Variants in SCAF4 observed in about 807,000 individuals in gnomAD.
SCAF4 encodes SR-related and CTD-associated factor 4.
A neutral mutation model predicts 129.8 loss-of-function variants in SCAF4; 25 were observed. The observed-to-expected ratio is 0.19, with a 90% CI of 0.14 to 0.27. The LOEUF is 0.27. SCAF4 is among the 10% of genes least tolerant of loss of function. The pLI is 1.00. For synonymous variants in SCAF4, 551 were observed against 497.7 expected (o/e 1.11, Z -1.43); for missense variants, 1,246 against 1,457.1 (o/e 0.86, Z 2.36).
At chr21:31,690,975 TATAAAA>T (rs1568835951) in intron 14 of SCAF4, 22 bp from the exon 15 acceptor site, 1 of 1,588,844 alleles carries the variant, frequency 6.3e-7, no homozygotes, top group Non-Finnish European at 8.6e-7. Context: ...TTAGTGAAAA[TATAAAA>T]AGAAAACAAA....
At chr21:31,686,843 G>GGAGCA (rs1286159532) in intron 16 of SCAF4, among the ~76,000 whole-genome samples, 1 of 152,156 alleles carries the variant, frequency 6.6e-6, no homozygotes, top group African/African-American at 2.4e-5. Flanking sequence ...GATCTGAGGT[G>GGAGCA]GAGCAGCTTT....
chr21:31,686,423 A>C (rs977163024), intron 16 of SCAF4, among the ~76,000 whole-genome samples: 1 of 152,108 alleles, frequency 6.6e-6, no homozygotes, highest in African/African-American at 2.4e-5. Context: ...CAGGTCCTGG[A>C]GCCAAACTGT....
intron 19 of SCAF4, among the ~76,000 whole-genome samples, chr21:31,677,271 G>T (rs1201260769): frequency 6.6e-6 from 1 of 151,976 alleles, no homozygotes; most frequent in African/African-American, 2.4e-5. Flanking sequence ...TAACAACCGA[G>T]CACATAGCCC....
chr21:31,697,730 A>G (rs1436149071), intron 7 of SCAF4, among the ~76,000 whole-genome samples: 3 of 152,232 alleles, frequency 2.0e-5, no homozygotes, highest in African/African-American at 7.2e-5. Context: ...ATTGAACAAC[A>G]CATTTCTAAA....
chr21:31,685,154 T>C lies in SCAF4; in HGVS notation c.2383A>G (p.Asn795Asp), dbSNP rs2050087885. Residue 795 changes from asparagine (N) to aspartate (D), a missense_variant, in exon 19 of 20, where the codon AAC (asparagine) becomes GAC (aspartate). By Grantham distance (23) the Asn-to-Asp change is conservative. Transcript: ENST00000286835. ...IPTVVSGARG[N>D]AESGDSVKMY... is the part of the protein sequence containing the mutation. ...TTCACGCTGTCACCAGACTCGGCGT[T>C]TCCTCTAGCCCCAGACACCACTGTT... The C allele has an allele frequency of 6.2e-7, 1 of 1,612,990 alleles. No homozygotes were observed. Among genetic ancestry groups the C allele is most frequent in the Admixed American group, 1.7e-5 (1 of 60,004 alleles).
At position 31,671,622 on chromosome 21, in the gene SCAF4, T is replaced by G. The variant is rs1568815546; in HGVS notation, c.3221A>C (p.Glu1074Ala). Residue 1074 changes from glutamate to alanine, a missense_variant, in exon 20 of 20, where the codon GAA (glutamate) becomes GCA (alanine). Glu to Ala is a moderately radical substitution (Grantham distance 107). Coordinates refer to ENST00000286835, the MANE Select transcript of SCAF4 (RefSeq NM_020706.2). ...CTCAGGCTTTTCCTTTCCTCGGGCT[T>G]CTTCCTTCTCTCTACGAGACTCTCT... is the stretch of plus-strand genomic sequence containing the variant. ...RDRESRREKEEARGKEKPEVT... is the reference protein window; with the variant it reads ...RDRESRREKEAARGKEKPEVT... The G allele has an allele frequency of 6.2e-7, 1 of 1,614,176 alleles. No individual in the cohort carries two copies.
At position 31,694,994 on chromosome 21, in the gene SCAF4, A is replaced by G; in HGVS notation, c.1069-14T>C. 6.2e-7 allele frequency: 1 copy of G among 1,610,134 alleles called. No homozygotes were observed. Among genetic ancestry groups the G allele is most frequent in the Non-Finnish European group, 8.5e-7 (1 of 1,177,164 alleles). ...AGGAAGTGGAACCTTTCATTTTTAA[A>G]GAAAGTGTATGAGTAATAGCTATCA... On this transcript the variant is annotated splice_polypyrimidine_tract_variant and intron_variant, in intron 9 of 19. Transcript: ENST00000286835.
chr21:31,717,807 A>T (rs553168978), intron 1 of SCAF4, among the ~76,000 whole-genome samples: 3,125 of 146,980 alleles, frequency 0.021, 70 homozygotes, highest in African/African-American at 0.045. Context: ...AAAAAAAAAA[A>T]TTTTTGGGAA....
intron 12 of SCAF4, 59 bp from the exon 13 acceptor site, chr21:31,692,508 C>A: frequency 8.9e-7 from 1 of 1,122,576 alleles, no homozygotes. Flanking sequence ...AGCACTGTAG[C>A]TTACATTAAA....
Position 31,685,107 on chromosome 21 carries a change from T to C in SCAF4, c.2430A>G (p.Pro810=), listed in dbSNP as rs201138300. 383 of 1,612,940 alleles carry C rather than the reference T, an allele frequency of 2.4e-4. No individual in the cohort carries two copies. The highest frequency in any genetic ancestry group is 3.2e-4 in the Non-Finnish European group (377 of 1,179,812). The change falls in exon 19 of 20, where the codon CCA becomes CCG. Residue 810 remains proline (P), a synonymous_variant. Coordinates refer to ENST00000286835, the MANE Select transcript of SCAF4 (RefSeq NM_020706.2). ...TGGGCAGATTCGTGGGTGCAGCAGGTGGCACGGCAGAGCCATACATTTTCA... is the reference window on the plus strand; with the variant it reads ...TGGGCAGATTCGTGGGTGCAGCAGGCGGCACGGCAGAGCCATACATTTTCA... ...DSVKMYGSAV[P]PAAPTNLPTP... is the part of the protein sequence containing the mutation.
chr21:31,672,958 G>A (rs1056625900), intron 19 of SCAF4, among the ~76,000 whole-genome samples: 34 of 152,198 alleles, frequency 2.2e-4, no homozygotes, highest in African/African-American at 8.2e-4. Context: ...ATACACAAAT[G>A]TGAAGTTTAC....
chr21:31,723,467 AAAAC>A (rs1568867119), intron 1 of SCAF4, among the ~76,000 whole-genome samples: 2 of 152,238 alleles, frequency 1.3e-5, no homozygotes, highest in African/African-American at 4.8e-5. Context: ...AAAACAAAAC[AAAAC>A]AAACAAAACA....
At position 31,685,114 on chromosome 21, in the gene SCAF4, G is replaced by A; in HGVS notation, c.2423C>T (p.Ala808Val). 1.2e-6 allele frequency: 2 copies of A among 1,613,048 alleles called. No individual in the cohort carries two copies. The highest frequency in any genetic ancestry group is 8.5e-7 in the Non-Finnish European group (1 of 1,179,644). ...SGDSVKMYGSAVPPAAPTNLP... is the reference protein window; with the variant it reads ...SGDSVKMYGSVVPPAAPTNLP... ...ATTCGTGGGTGCAGCAGGTGGCACG[G>A]CAGAGCCATACATTTTCACGCTGTC... Residue 808 changes from alanine to valine, a missense_variant, in exon 19 of 20, where the codon GCC becomes GTC. Transcript: ENST00000286835.
At chr21:31,678,155 A>AT (rs1380358587) in intron 19 of SCAF4, among the ~76,000 whole-genome samples, 1 of 152,138 alleles carries the variant, frequency 6.6e-6, no homozygotes, top group East Asian at 1.9e-4. Flanking sequence ...TGTTACCAGT[A>AT]GTTTACTTGA....
intron 4 of SCAF4, 141 bp downstream of exon 4, chr21:31,703,622 GAA>G: frequency 2.1e-6 from 1 of 474,940 alleles, no homozygotes; most frequent in Non-Finnish European, 3.8e-6. Flanking sequence ...GACCACTGAA[GAA>G]AAAAACTGTT....
intron 16 of SCAF4, 129 bp downstream of exon 16, chr21:31,688,178 A>T: frequency 1.6e-6 from 1 of 612,126 alleles, no homozygotes; most frequent in Non-Finnish European, 2.5e-6. Flanking sequence ...CTGATAAAAC[A>T]TGAAAAATGT....
chr21:31,693,444 G>T lies in SCAF4; in HGVS notation c.1363C>A (p.Arg455=). The change falls in exon 12 of 20, where the codon CGA becomes AGA. Residue 455 remains arginine (R), a synonymous_variant. Coordinates refer to ENST00000286835, the MANE Select transcript of SCAF4 (RefSeq NM_020706.2). ...RRRSRSGSRS[R]RSRHRRSRSR... ...CGAGAACGTCGATGCCGAGACCTTC[G>T]AGATCTAGAACCAGATCTAGATCGC... is the stretch of plus-strand genomic sequence containing the variant. The T allele has an allele frequency of 6.5e-7, 1 of 1,548,098 alleles. No individual in the cohort carries two copies.
intron 1 of SCAF4, among the ~76,000 whole-genome samples, chr21:31,730,751 T>C (rs1025180308): frequency 1.8e-4 from 27 of 152,326 alleles, no homozygotes; most frequent in Admixed American, 9.8e-4. Context: ...ATAGGATGTA[T>C]GGACTCTACA....
chr21:31,684,848 G>A lies in SCAF4; in HGVS notation c.2488+201C>T, dbSNP rs2050076058. On this transcript the variant is annotated intron_variant, in intron 19 of 19. Transcript: ENST00000286835. The stretch of plus-strand genomic sequence containing the variant: ...GTCTTTGAGATTCTCTCTTGGTAAA[G>A]ATCAAGTACACATATTTGACTTTAA... 5 of 570,118 alleles carry A rather than the reference G, an allele frequency of 8.8e-6. No homozygotes were observed. The South Asian group carries it at 1.0e-4, about 12-fold the overall frequency. The allele number at this position is 570,118 out of a possible 1,614,324, so 35.3% of individuals were successfully genotyped here. A position where few individuals can be genotyped will look rare whatever the true frequency, so the allele number is the denominator to read the frequency against.
Sources: allele counts gnomAD v4.1 joint callset (sites outside exome capture counted in the v4.1 genomes callset), GRCh38; gene constraint gnomAD v4.1.1; transcripts MANE v1.5; gene names NCBI Gene and HGNC (gene_info 2026-07-23, HGNC 2026-07-21).